BTBD8: variants seen among roughly 807,000 people sequenced by gnomAD.
BTBD8 encodes BTB/POZ domain-containing protein 8.
Under a neutral mutation model 162.9 loss-of-function variants are expected in BTBD8, and 110 were observed. The observed-to-expected ratio is 0.68, with a 90% CI of 0.58 to 0.79. BTBD8 has a LOEUF of 0.79. BTBD8 is among the 30% of genes least tolerant of loss of function. BTBD8 has a pLI of 0.00. For missense variants in BTBD8, 1,905 were observed against 2,085.4 expected (o/e 0.91, Z 1.68); for synonymous variants, 667 against 716.1 (o/e 0.93, Z 1.10).
rs147476886 is a variant in BTBD8, at chr1:92,166,097, G to T, written c.1123-861G>T. 1.7e-3 allele frequency among the ~76,000 whole-genome samples: 266 copies of T among 152,202 alleles called. 3 individuals are homozygous for T. Among genetic ancestry groups the T allele is most frequent in the African/African-American group, 5.9e-3 (243 of 41,506 alleles). ...GCTCATTGTCATTCCATTTTCCATAGAGATCAATATTTGTGAATGTTTTTT... is the reference window on the plus strand; with the variant it reads ...GCTCATTGTCATTCCATTTTCCATATAGATCAATATTTGTGAATGTTTTTT... On this transcript the variant is annotated intron_variant, in intron 9 of 17. Coordinates refer to ENST00000636805, the MANE Select transcript of BTBD8 (RefSeq NM_001376131.1).
At chr1:92,137,298 C>G (rs1353368035) in intron 5 of BTBD8, among the ~76,000 whole-genome samples, 4 of 151,984 alleles carry the variant, frequency 2.6e-5, no homozygotes, top group African/African-American at 9.7e-5. Context: ...CAAAGTCACC[C>G]TAATAGTAAT....
intron 1 of BTBD8, among the ~76,000 whole-genome samples, chr1:92,085,889 C>T (rs748619050): frequency 3.9e-4 from 59 of 152,114 alleles, no homozygotes; most frequent in Non-Finnish European, 5.4e-4. Flanking sequence ...AGGAATGAGA[C>T]GACATAAAGT....
At chr1:92,119,722 G>C (rs1015201014) in intron 4 of BTBD8, among the ~76,000 whole-genome samples, 8 of 151,216 alleles carry the variant, frequency 5.3e-5, no homozygotes, top group Admixed American at 2.6e-4. Flanking sequence ...CGCCTTCCGG[G>C]TTCACGCCGT....
intron 5 of BTBD8, among the ~76,000 whole-genome samples, chr1:92,137,511 G>C (rs1333275209): frequency 6.6e-6 from 1 of 152,188 alleles, no homozygotes; most frequent in Non-Finnish European, 1.5e-5. Context: ...TGAACCTCAG[G>C]TTCTGACTTA....
At chr1:92,146,248 A>C (rs981237616) in intron 7 of BTBD8, among the ~76,000 whole-genome samples, 1 of 152,206 alleles carries the variant, frequency 6.6e-6, no homozygotes, top group African/African-American at 2.4e-5. Context: ...TAAAATTAAA[A>C]GTTGTTAGTG....
chr1:92,102,701 G>A, intron 3 of BTBD8, 32 bp downstream of exon 3: 8 of 1,387,488 alleles, frequency 5.8e-6, no homozygotes, highest in East Asian at 2.6e-5. Context: ...TGTATTTATA[G>A]CCGTAAAAAT....
chr1:92,172,167 A>G (rs997592190), intron 13 of BTBD8, among the ~76,000 whole-genome samples: 26 of 152,210 alleles, frequency 1.7e-4, no homozygotes, highest in African/African-American at 6.0e-4. Flanking sequence ...CTAAGAGTAC[A>G]ACTGTGTTTT....
Position 92,167,047 on chromosome 1 carries a change from C to G in BTBD8, c.1212C>G (p.Thr404=), listed in dbSNP as rs1650402608. The G allele has an allele frequency of 6.4e-7, 1 of 1,550,696 alleles. No homozygotes were observed. Among genetic ancestry groups the G allele is most frequent in the African/African-American group, 1.4e-5 (1 of 73,130 alleles). Residue 404 remains threonine, a synonymous_variant, in exon 10 of 18, where the codon ACC becomes ACG. Transcript: ENST00000636805. ...PRVKWTEAAL[T]MASQLQEKCI... ...TGAAGTGGACGGAAGCAGCACTGAC[C>G]ATGGCGTCTCAGCTTCAAGAAAAAT...
intron 4 of BTBD8, among the ~76,000 whole-genome samples, chr1:92,116,376 G>T (rs976190497): frequency 4.6e-5 from 7 of 152,036 alleles, no homozygotes; most frequent in Admixed American, 1.3e-4. Context: ...CAAGTTTTAT[G>T]TATCCTTAGC....
At chr1:92,154,196 T>C (rs1008764462) in intron 9 of BTBD8, among the ~76,000 whole-genome samples, 7 of 152,200 alleles carry the variant, frequency 4.6e-5, no homozygotes, top group African/African-American at 1.7e-4. Context: ...GTGCCATGCT[T>C]GTACAGCCTG....
chr1:92,102,432 AC>A, intron 2 of BTBD8, 40 bp from the exon 3 acceptor site: 1 of 1,234,320 alleles, frequency 8.1e-7, no homozygotes, highest in Non-Finnish European at 1.1e-6. Flanking sequence ...TTTAAGAATC[AC>A]CAATGTTATT....
At chr1:92,141,017 C>A (rs1649763309) in intron 6 of BTBD8, 98 bp from the exon 7 acceptor site, 5 of 1,159,428 alleles carry the variant, frequency 4.3e-6, no homozygotes, top group Non-Finnish European at 3.4e-6. Context: ...TCAGATTATT[C>A]TTTTTTAAAA....
chr1:92,102,745 C>T, intron 3 of BTBD8, 76 bp downstream of exon 3: 6 of 1,247,336 alleles, frequency 4.8e-6, no homozygotes, highest in Non-Finnish European at 6.3e-6. Flanking sequence ...GAAAAGCATA[C>T]TTCAAAAATA....
intron 17 of BTBD8, 142 bp from the exon 18 acceptor site, chr1:92,183,722 A>T: frequency 1.7e-6 from 1 of 603,466 alleles, no homozygotes; most frequent in Non-Finnish European, 2.7e-6. Flanking sequence ...AAATCTTGTC[A>T]ATTTTGTATA....
intron 1 of BTBD8, among the ~76,000 whole-genome samples, chr1:92,082,576 G>A (rs1648047330): frequency 6.6e-6 from 1 of 152,142 alleles, no homozygotes; most frequent in Non-Finnish European, 1.5e-5. Context: ...ATCTAAACAA[G>A]GGGAATAACT....
At chr1:92,092,106 A>G (rs1333944834) in intron 2 of BTBD8, among the ~76,000 whole-genome samples, 1 of 152,180 alleles carries the variant, frequency 6.6e-6, no homozygotes, top group East Asian at 1.9e-4. Context: ...TAGTGCCTGT[A>G]TAAGAAGACT....
chr1:92,176,770 A>C, intron 13 of BTBD8, 59 bp from the exon 14 acceptor site: 1 of 837,526 alleles, frequency 1.2e-6, no homozygotes, highest in Non-Finnish European at 1.7e-6. Flanking sequence ...TGGAAACATA[A>C]AATATTATAT....
chr1:92,137,044 A>G (rs1308931589), intron 5 of BTBD8, among the ~76,000 whole-genome samples: 1 of 152,190 alleles, frequency 6.6e-6, no homozygotes, highest in Non-Finnish European at 1.5e-5. Flanking sequence ...AAGCATTTTA[A>G]GCACAGTGAA....
In BTBD8 at chr1:92,107,986, G is replaced by A. The variant is rs370358765; in HGVS notation, c.647G>A (p.Arg216His). Reference sequence around the variant, plus strand: ...ATTGATATTTTTGTTGATGGAAAACGTTTTAAAGCTCACAGGTAAATAGAC... The same window carrying A: ...ATTGATATTTTTGTTGATGGAAAACATTTTAAAGCTCACAGGTAAATAGAC... ...PDIDIFVDGK[R>H]FKAHRAILSA... Residue 216 changes from arginine (R) to histidine (H), a missense_variant, in exon 4 of 18, where the codon CGT becomes CAT. By Grantham distance (29) the Arg-to-His change is conservative. Transcript: ENST00000636805. 31 of 1,612,936 alleles carry A rather than the reference G, an allele frequency of 1.9e-5. No homozygotes were observed. Among genetic ancestry groups the A allele is most frequent in the African/African-American group, 5.3e-5 (4 of 74,880 alleles).
Sources: allele counts gnomAD v4.1 joint callset (sites outside exome capture counted in the v4.1 genomes callset), GRCh38; gene constraint gnomAD v4.1.1; transcripts MANE v1.5; gene names NCBI Gene and HGNC (gene_info 2026-07-23, HGNC 2026-07-21).